IL1RAPL1: variants seen among roughly 807,000 people sequenced by gnomAD.
The protein encoded by IL1RAPL1 is interleukin 1 receptor accessory protein like 1.
IL1RAPL1 carries 3 observed loss-of-function variants against 48.4 expected under a neutral mutation model. That is an observed-to-expected ratio of 0.06 (90% CI 0.03 to 0.16). The LOEUF is 0.16. Among genes scored for constraint, IL1RAPL1 ranks in the 10% least tolerant of loss-of-function variants. The pLI is 1.00. For synonymous variants in IL1RAPL1, 185 were observed against 187.7 expected (o/e 0.99, Z 0.12); for missense variants, 349 against 530.6 (o/e 0.66, Z 3.36).
At chrX:29,334,171 C>T (rs1932937030) in intron 3 of IL1RAPL1, among the ~76,000 whole-genome samples, 1 of 79,667 alleles carries the variant, frequency 1.3e-5, no homozygotes, top group Non-Finnish European at 2.5e-5. Flanking sequence ...CCTCACCTCC[C>T]GGACGGGGCG....
At chrX:29,865,356 G>A (rs775582681) in intron 6 of IL1RAPL1, among the ~76,000 whole-genome samples, 4 of 111,564 alleles carry the variant, frequency 3.6e-5, no homozygotes, top group Admixed American at 9.5e-5. Flanking sequence ...TGTGATATAC[G>A]TTGTATATTG....
At chrX:29,139,300 A>G (rs1228950781) in intron 2 of IL1RAPL1, among the ~76,000 whole-genome samples, 1 of 110,752 alleles carries the variant, frequency 9.0e-6, no homozygotes, top group Non-Finnish European at 1.9e-5. Context: ...AAGGTAAGGC[A>G]AGAAGAATAA....
At chrX:29,011,967 T>G (rs779562252) in intron 2 of IL1RAPL1, among the ~76,000 whole-genome samples, 2 of 112,221 alleles carry the variant, frequency 1.8e-5, no homozygotes, top group African/African-American at 6.5e-5. Context: ...CTATAATCTA[T>G]AAAAGTTATT....
intron 2 of IL1RAPL1, among the ~76,000 whole-genome samples, chrX:28,812,413 G>T (rs1235244018): frequency 1.8e-5 from 2 of 110,214 alleles, no homozygotes; most frequent in African/African-American, 6.6e-5. Flanking sequence ...CATATTCTTG[G>T]ATCCTTACCA....
chrX:29,020,004 T>C (rs1926327563), intron 2 of IL1RAPL1, among the ~76,000 whole-genome samples: 1 of 112,484 alleles, frequency 8.9e-6, no homozygotes, highest in South Asian at 3.6e-4. Flanking sequence ...CCTACAGCTT[T>C]ATGTCAAGTG....
At chrX:28,991,880 G>A in intron 2 of IL1RAPL1, among the ~76,000 whole-genome samples, 1 of 111,942 alleles carries the variant, frequency 8.9e-6, no homozygotes, top group Non-Finnish European at 1.9e-5. Flanking sequence ...TGTGGGAGAT[G>A]CTATAGTAGG....
At chrX:28,973,788 A>G (rs1449663773) in intron 2 of IL1RAPL1, among the ~76,000 whole-genome samples, 4 of 112,157 alleles carry the variant, frequency 3.6e-5, no homozygotes, top group Non-Finnish European at 7.5e-5. Flanking sequence ...AAGCTCTTGT[A>G]TCTAAACCAT....
At chrX:29,018,492 A>G (rs1251650846) in intron 2 of IL1RAPL1, among the ~76,000 whole-genome samples, 1 of 111,953 alleles carries the variant, frequency 8.9e-6, no homozygotes, top group Non-Finnish European at 1.9e-5. Flanking sequence ...GAACTTGAGT[A>G]ATCAAGGATT....
intron 2 of IL1RAPL1, among the ~76,000 whole-genome samples, chrX:28,866,551 CA>C (rs1922081126): frequency 1.8e-5 from 2 of 110,901 alleles, no homozygotes; most frequent in Non-Finnish European, 3.8e-5. Context: ...AAATAAATAG[CA>C]AATTATTTGA....
chrX:29,564,039 A>G (rs1922322666), intron 5 of IL1RAPL1, among the ~76,000 whole-genome samples: 2 of 111,768 alleles, frequency 1.8e-5, no homozygotes, highest in Admixed American at 9.5e-5. Context: ...TTCTTTAAAA[A>G]TTAATCTTAT....
At chrX:29,169,415 T>C (rs1929867305) in intron 2 of IL1RAPL1, among the ~76,000 whole-genome samples, 1 of 110,898 alleles carries the variant, frequency 9.0e-6, no homozygotes, top group Non-Finnish European at 1.9e-5. Flanking sequence ...GATAATATTA[T>C]GGCAGCTGTA....
intron 2 of IL1RAPL1, among the ~76,000 whole-genome samples, chrX:28,834,790 C>T (rs952847038): frequency 1.4e-4 from 16 of 110,998 alleles, no homozygotes; most frequent in African/African-American, 4.9e-4. Context: ...TAAGATCATG[C>T]GCCTAGGGAG....
At chrX:28,866,557 A>G (rs1220893137) in intron 2 of IL1RAPL1, among the ~76,000 whole-genome samples, 1 of 112,002 alleles carries the variant, frequency 8.9e-6, no homozygotes, top group Non-Finnish European at 1.9e-5. Flanking sequence ...ATAGCAAATT[A>G]TTTGAGTAGG....
intron 2 of IL1RAPL1, among the ~76,000 whole-genome samples, chrX:28,823,340 A>AT (rs1315274610): frequency 9.0e-6 from 1 of 111,128 alleles, no homozygotes. Context: ...TAATTTCCTC[A>AT]TATCTCATTC....
chrX:29,688,469 A>T (rs995455911), intron 6 of IL1RAPL1, among the ~76,000 whole-genome samples: 1 of 111,587 alleles, frequency 9.0e-6, no homozygotes, highest in African/African-American at 3.3e-5. Context: ...ATTGAAATTG[A>T]TCTCTTTATT....
At chrX:29,616,974 TA>T (rs1432221520) in intron 5 of IL1RAPL1, among the ~76,000 whole-genome samples, 1 of 111,732 alleles carries the variant, frequency 8.9e-6, no homozygotes, top group Non-Finnish European at 1.9e-5. Context: ...CAGCAGGCAC[TA>T]CGCTGTATTC....
chrX:29,179,450 T>C (rs1302728126), intron 2 of IL1RAPL1, among the ~76,000 whole-genome samples: 1 of 111,931 alleles, frequency 8.9e-6, no homozygotes, highest in Non-Finnish European at 1.9e-5. Context: ...ATAGCTAGTG[T>C]GGTAGTTAGA....
intron 2 of IL1RAPL1, among the ~76,000 whole-genome samples, chrX:29,035,110 A>ATTTG (rs746927010): frequency 1.3e-4 from 14 of 110,541 alleles, no homozygotes; most frequent in South Asian, 3.8e-4. Flanking sequence ...AATTTTTTGT[A>ATTTG]TTTGTTTGTT....
At chrX:29,068,000 C>T (rs781199094) in intron 2 of IL1RAPL1, among the ~76,000 whole-genome samples, 11 of 111,583 alleles carry the variant, frequency 9.9e-5, no homozygotes, top group South Asian at 3.7e-4. Context: ...TCCTTATATT[C>T]ATTGGTTTTA....
Sources: allele counts gnomAD v4.1 joint callset (sites outside exome capture counted in the v4.1 genomes callset), GRCh38; gene constraint gnomAD v4.1.1; transcripts MANE v1.5; gene names NCBI Gene and HGNC (gene_info 2026-07-23, HGNC 2026-07-21).